The following DACH2 variants were observed in gnomAD, a reference collection of about 807,000 sequenced individuals.
DACH2 encodes the protein dachshund family transcription factor 2.
DACH2 carries 17 observed loss-of-function variants against 35.8 expected under a neutral mutation model. The ratio of observed to expected loss-of-function variants is 0.48; its 90% confidence interval spans 0.33 to 0.71. The LOEUF (loss-of-function observed/expected upper bound fraction) is 0.71. Ranked by LOEUF, DACH2 falls within the 30% of genes least tolerant of loss-of-function variation. DACH2 has a pLI of 0.02. For synonymous variants in DACH2, 195 were observed against 177.3 expected (o/e 1.10, Z -0.79); for missense variants, 469 against 472.7 (o/e 0.99, Z 0.07).
At chrX:86,452,705 C>G (rs190056883) in intron 2 of DACH2, among the ~76,000 whole-genome samples, 1 of 111,436 alleles carries the variant, frequency 9.0e-6, no homozygotes. Context: ...TGCTTCTTCT[C>G]TCTTTTTTCT....
chrX:86,149,004 C>T lies in DACH2; in HGVS notation c.384C>T (p.Val128=). The T allele has an allele frequency of 4.1e-6, 5 of 1,210,689 alleles. No individual in the cohort carries two copies. The highest frequency in any genetic ancestry group is 5.6e-6 in the Non-Finnish European group (5 of 894,952). ...CCGTGGTGTGTACTGTTGAGCAGGT[C>T]CGGATCCTCCGCGGGCTGGGGGCCA... The part of the protein sequence containing the change: ...ISPVVCTVEQ[V]RILRGLGAIQ... The change falls in exon 1 of 12, where the codon GTC becomes GTT. Residue 128 remains valine (V), a synonymous_variant. Transcript: ENST00000373125.
intron 1 of DACH2, among the ~76,000 whole-genome samples, chrX:86,156,638 G>A (rs2030556572): frequency 9.0e-6 from 1 of 110,975 alleles, no homozygotes; most frequent in African/African-American, 3.3e-5. Flanking sequence ...ACCCAGTAGA[G>A]ATGCTCAAAT....
At position 86,739,894 on chromosome X, in the gene DACH2, T is replaced by C; in HGVS notation, c.1240+12T>C. The C allele has an allele frequency of 8.5e-7, 1 of 1,178,467 alleles. No homozygotes were observed. The highest frequency in any genetic ancestry group is 3.0e-5 in the East Asian group (1 of 32,805). The stretch of plus-strand genomic sequence containing the variant: ...TTTGGAAAGAATGGGTGAGTAACTT[T>C]TCTGAAACAGGTAATTGGAAAACAT... On this transcript the variant is annotated intron_variant, in intron 7 of 11. Coordinates refer to ENST00000373125, the MANE Select transcript of DACH2 (RefSeq NM_053281.3).
At chrX:86,354,951 GC>G (rs1243795742) in intron 1 of DACH2, among the ~76,000 whole-genome samples, 1 of 111,680 alleles carries the variant, frequency 9.0e-6, no homozygotes, top group Admixed American at 9.5e-5. Context: ...GGGTATATGT[GC>G]AATTTTATTC....
chrX:86,663,711 A>C (rs180787952), intron 4 of DACH2, among the ~76,000 whole-genome samples: 3 of 112,242 alleles, frequency 2.7e-5, no homozygotes, highest in African/African-American at 9.7e-5. Flanking sequence ...CTTGGCAAAA[A>C]AAAAGAAGTT....
chrX:86,745,221 A>G lies in DACH2; in HGVS notation c.1240+5339A>G, dbSNP rs764741846. 8.5e-4 allele frequency among the ~76,000 whole-genome samples: 95 copies of G among 111,549 alleles called. No individual in the cohort carries two copies. The Admixed American group carries it at 8.7e-3, about 10-fold the overall frequency. ...ATAGTTTTAACATCCTTTGGTCACAATAGTATATATTATATTTTACCTGGA... is the reference window on the plus strand; with the variant it reads ...ATAGTTTTAACATCCTTTGGTCACAGTAGTATATATTATATTTTACCTGGA... On this transcript the variant is annotated intron_variant, in intron 7 of 11. Transcript: ENST00000373125.
rs143596113 is a variant in DACH2, at chrX:86,158,276, G to A, written c.488+9168G>A. Among the ~76,000 whole-genome samples the A allele has an allele frequency of 3.6e-3, 396 of 110,924 alleles. 4 individuals carry two copies. The highest frequency in any genetic ancestry group is 0.012 in the African/African-American group (374 of 30,567). ...CCTCCCCAGAGGACATAAGTTAGAC[G>A]TCAGTGAGTATGGGTTTTTTTTGTG... is the stretch of plus-strand genomic sequence containing the variant. On this transcript the variant is annotated intron_variant, in intron 1 of 11. Transcript: ENST00000373125.
chrX:86,275,024 G>A (rs904414383), intron 1 of DACH2, among the ~76,000 whole-genome samples: 1 of 111,734 alleles, frequency 8.9e-6, no homozygotes, highest in African/African-American at 3.3e-5. Context: ...GAAAGTAAAT[G>A]AGACACTTGA....
intron 1 of DACH2, among the ~76,000 whole-genome samples, chrX:86,295,371 C>G (rs1464894440): frequency 1.8e-5 from 2 of 112,184 alleles, no homozygotes; most frequent in African/African-American, 6.5e-5. Context: ...GCAGAAATCA[C>G]CCGTCTTCTG....
rs146416852 is a variant in DACH2, at chrX:86,178,897, G to T, written c.488+29789G>T. On this transcript the variant is annotated intron_variant, in intron 1 of 11. Coordinates refer to ENST00000373125, the MANE Select transcript of DACH2 (RefSeq NM_053281.3). ...AACACAAGAAAAAGAGCAAATTGCA[G>T]AATAAAATGAAACAGTTTTCAGAAA... is the stretch of plus-strand genomic sequence containing the variant. Among the ~76,000 whole-genome samples, 98 of 111,760 alleles carry T rather than the reference G, an allele frequency of 8.8e-4. No individual in the cohort carries two copies. The South Asian group carries it at 0.016, about 18-fold the overall frequency.
intron 2 of DACH2, among the ~76,000 whole-genome samples, chrX:86,489,230 C>T (rs1397359119): frequency 9.1e-6 from 1 of 110,350 alleles, no homozygotes. Context: ...TCATTCATAT[C>T]ACCTGAGATT....
intron 1 of DACH2, among the ~76,000 whole-genome samples, chrX:86,214,383 G>A (rs1245696306): frequency 1.8e-5 from 2 of 111,747 alleles, no homozygotes; most frequent in African/African-American, 6.5e-5. Flanking sequence ...GTTTTAATTT[G>A]CACATCTTCA....
chrX:86,687,322 C>A (rs2040956416), intron 4 of DACH2, among the ~76,000 whole-genome samples: 3 of 110,946 alleles, frequency 2.7e-5, no homozygotes, highest in African/African-American at 9.8e-5. Flanking sequence ...TAGAGAAATG[C>A]AAATCAAAAC....
chrX:86,419,252 C>A (rs979476138), intron 2 of DACH2, among the ~76,000 whole-genome samples: 3 of 111,854 alleles, frequency 2.7e-5, no homozygotes, highest in Non-Finnish European at 5.6e-5. Context: ...TCAGCAACGC[C>A]CAACTCTACT....
chrX:86,439,492 G>C (rs749326992), intron 2 of DACH2, among the ~76,000 whole-genome samples: 3 of 111,582 alleles, frequency 2.7e-5, no homozygotes, highest in Non-Finnish European at 3.8e-5. Flanking sequence ...GAATTCTGAA[G>C]TGTTTTCTCC....
At chrX:86,373,185 G>T (rs1003660351) in intron 1 of DACH2, among the ~76,000 whole-genome samples, 12 of 110,695 alleles carry the variant, frequency 1.1e-4, no homozygotes, top group African/African-American at 3.9e-4. Flanking sequence ...TTTGGTATGT[G>T]CCCAGTAATG....
intron 7 of DACH2, among the ~76,000 whole-genome samples, chrX:86,784,264 T>C (rs765204412): frequency 5.7e-4 from 61 of 106,943 alleles, no homozygotes; most frequent in Non-Finnish European, 1.1e-3. Context: ...ATAAGGAATG[T>C]AAACAGATTA....
chrX:86,549,422 C>A (rs1430739880), intron 3 of DACH2, among the ~76,000 whole-genome samples: 1 of 110,862 alleles, frequency 9.0e-6, no homozygotes, highest in East Asian at 2.8e-4. Flanking sequence ...AGTATAGATT[C>A]ATAGAACTCT....
Position 86,196,596 on chromosome X carries a change from C to T in DACH2, c.488+47488C>T, listed in dbSNP as rs181641065. Among the ~76,000 whole-genome samples, 12 of 99,705 alleles carry T rather than the reference C, an allele frequency of 1.2e-4. No individual in the cohort carries two copies. In the East Asian group the frequency reaches 1.3e-3, roughly 11 times the overall value. 86.6% of individuals were successfully genotyped at this position (99,705 alleles called of 115,157 possible). On this transcript the variant is annotated intron_variant, in intron 1 of 11. Coordinates refer to ENST00000373125, the MANE Select transcript of DACH2 (RefSeq NM_053281.3). ...TAGTCCCAGCTACTTGGGAGGCTGACGCAGGAGAATGGCGTGAACCCAGGA... is the reference window on the plus strand; with the variant it reads ...TAGTCCCAGCTACTTGGGAGGCTGATGCAGGAGAATGGCGTGAACCCAGGA...
Sources: gnomAD v4.1 joint callset for allele counts (sites outside exome capture counted in the v4.1 genomes callset) on GRCh38, gnomAD v4.1.1 for gene constraint, MANE v1.5 for transcripts, NCBI Gene and HGNC (gene_info 2026-07-23, HGNC 2026-07-21) for gene names.